Variants in LIX1 observed in about 807,000 individuals in gnomAD.
The protein encoded by LIX1 is protein limb expression 1 homolog.
In LIX1, 24 loss-of-function variants were observed where a neutral mutation model predicts 33.4. The observed-to-expected ratio is 0.72, with a 90% CI of 0.52 to 1.01. The LOEUF is 1.01. Ranked by LOEUF, LIX1 falls within the 50% of genes least tolerant of loss-of-function variation. LIX1 has a pLI of 0.00. For synonymous variants in LIX1, 124 were observed against 124.0 expected, an observed-to-expected ratio of 1.00 and a Z score of 0.00; for missense variants, 311 against 339.2, an observed-to-expected ratio of 0.92 and a Z score of 0.65.
chr5:97,133,345 G>A (rs1214940937), intron 1 of LIX1, among the ~76,000 whole-genome samples: 1 of 152,192 alleles, frequency 6.6e-6, no homozygotes, highest in Non-Finnish European at 1.5e-5. Context: ...GGAATGTAGT[G>A]TCTACATCAC....
rs138759091 is a variant in LIX1 at position 97,123,605 on chromosome 5, A to C, written c.246+861T>G. ...CAAAGCATCTTCATGCTGTGACCCG[A>C]GTAATCTTTCTGAAGTACATTTGAA... On this transcript the variant is annotated intron_variant, in intron 2 of 5. Transcript: ENST00000274382. Among the ~76,000 whole-genome samples, 514 of 152,304 alleles carry C rather than the reference A, an allele frequency of 3.4e-3. 12 individuals are homozygous for C. The highest frequency in any genetic ancestry group is 0.03 in the Admixed American group (453 of 15,288).
At chr5:97,097,717 A>T (rs1746463437) in intron 4 of LIX1, among the ~76,000 whole-genome samples, 1 of 152,234 alleles carries the variant, frequency 6.6e-6, no homozygotes, top group Non-Finnish European at 1.5e-5. Context: ...CATTTATAGG[A>T]CGCCATTAGT....
intron 2 of LIX1, among the ~76,000 whole-genome samples, chr5:97,108,587 G>C (rs1260370401): frequency 6.6e-6 from 1 of 152,172 alleles, no homozygotes; most frequent in Non-Finnish European, 1.5e-5. Flanking sequence ...CTTTTGGAGA[G>C]CCCAGGAGTT....
At chr5:97,124,739 T>C in intron 1 of LIX1, 110 bp from the exon 2 acceptor site, 1 of 792,574 alleles carries the variant, frequency 1.3e-6, no homozygotes, top group Non-Finnish European at 2.0e-6. Flanking sequence ...CCAGTTTAAG[T>C]AGAGCTGGGT....
intron 1 of LIX1, among the ~76,000 whole-genome samples, chr5:97,136,735 T>C (rs1205452670): frequency 2.6e-5 from 4 of 151,620 alleles, no homozygotes; most frequent in African/African-American, 9.7e-5. Flanking sequence ...CTGATTATCA[T>C]CGCAGGAGGA....
intron 2 of LIX1, among the ~76,000 whole-genome samples, chr5:97,115,910 G>T (rs1244740891): frequency 6.6e-6 from 1 of 152,150 alleles, no homozygotes; most frequent in Admixed American, 6.6e-5. Flanking sequence ...TACCCAAGGG[G>T]TTTTCCAAAG....
At chr5:97,105,635 C>T (rs187964220) in intron 3 of LIX1, among the ~76,000 whole-genome samples, 21 of 152,244 alleles carry the variant, frequency 1.4e-4, no homozygotes, top group Admixed American at 1.1e-3. Context: ...GCTCTGATTC[C>T]AGTGATAACC....
intron 2 of LIX1, 144 bp downstream of exon 2, chr5:97,124,322 C>A: frequency 3.2e-6 from 2 of 622,048 alleles, no homozygotes; most frequent in Non-Finnish European, 5.1e-6. Context: ...AATTTAATTC[C>A]TTTCTGGTTG....
chr5:97,096,949 G>T, intron 4 of LIX1, 62 bp from the exon 5 acceptor site: 1 of 1,220,642 alleles, frequency 8.2e-7, no homozygotes, highest in South Asian at 1.2e-5. Flanking sequence ...TGAGAGCTGA[G>T]CAGGGCATAA....
intron 4 of LIX1, among the ~76,000 whole-genome samples, chr5:97,097,270 AG>A (rs1746430792): frequency 6.6e-6 from 1 of 152,258 alleles, no homozygotes; most frequent in African/African-American, 2.4e-5. Context: ...CGAGACTGAC[AG>A]CATCTTAAAT....
intron 2 of LIX1, among the ~76,000 whole-genome samples, chr5:97,116,777 T>G (rs550284500): frequency 6.6e-6 from 1 of 152,220 alleles, no homozygotes; most frequent in African/African-American, 2.4e-5. Flanking sequence ...TATAGTTGCT[T>G]TGATGTGAAA....
At chr5:97,140,115 A>G (rs866179205) in intron 1 of LIX1, among the ~76,000 whole-genome samples, 1 of 152,210 alleles carries the variant, frequency 6.6e-6, no homozygotes, top group Admixed American at 6.5e-5. Flanking sequence ...AATGAATTGC[A>G]TGATCATTTA....
rs564370865 is a variant in LIX1 at position 97,103,855 on chromosome 5, C to T, written c.483+1335G>A. Among the ~76,000 whole-genome samples, 7 of 151,788 alleles carry T rather than the reference C, an allele frequency of 4.6e-5. No individual in the cohort carries two copies. The South Asian group carries it at 1.5e-3, about 32-fold the overall frequency. On this transcript the variant is annotated intron_variant, in intron 4 of 5. Coordinates refer to ENST00000274382, the MANE Select transcript of LIX1 (RefSeq NM_153234.5). ...TGGTGGGCGCCTGTAGTCCCAGCTA[C>T]TCAGGAGGCTGAGGCAGGAGAATGG... is the stretch of plus-strand genomic sequence containing the variant.
intron 3 of LIX1, among the ~76,000 whole-genome samples, chr5:97,107,102 C>T (rs1747088972): frequency 6.6e-6 from 1 of 152,164 alleles, no homozygotes; most frequent in Non-Finnish European, 1.5e-5. Flanking sequence ...TAAACATATC[C>T]AGGTGGATCC....
chr5:97,098,036 G>A (rs913034189), intron 4 of LIX1, among the ~76,000 whole-genome samples: 1 of 152,170 alleles, frequency 6.6e-6, no homozygotes, highest in Non-Finnish European at 1.5e-5. Context: ...TCATCGGAAC[G>A]CTCATTCTGT....
chr5:97,136,164 T>A (rs985681762), intron 1 of LIX1, among the ~76,000 whole-genome samples: 1 of 152,230 alleles, frequency 6.6e-6, no homozygotes, highest in African/African-American at 2.4e-5. Context: ...TAAGCCATTG[T>A]GCCAACATGG....
At chr5:97,105,118 T>G in intron 4 of LIX1, 72 bp downstream of exon 4, 1 of 1,298,246 alleles carries the variant, frequency 7.7e-7, no homozygotes, top group Non-Finnish European at 1.1e-6. Flanking sequence ...GAGATGTTAG[T>G]GATAAATGTT....
At chr5:97,135,945 G>A (rs969717193) in intron 1 of LIX1, among the ~76,000 whole-genome samples, 1 of 152,200 alleles carries the variant, frequency 6.6e-6, no homozygotes, top group African/African-American at 2.4e-5. Context: ...AGTCAAAATG[G>A]TCAAATAAGT....
rs1400129627 is a variant in LIX1 at position 97,092,323 on chromosome 5, G to A, written c.*2425C>T. 6.6e-6 allele frequency: 1 copy of A among 152,216 alleles called. No individual in the cohort carries two copies. The highest frequency in any genetic ancestry group is 2.4e-5 in the African/African-American group (1 of 41,406). 9.4% of individuals were successfully genotyped at this position (152,216 alleles called of 1,614,324 possible). ...AAAAGGCTAGGACCCAGAGCTTCAT[G>A]TGTTTAAATAGGGAATCTTCCACTC... is the stretch of plus-strand genomic sequence containing the variant. On this transcript the variant is annotated 3_prime_UTR_variant, in exon 6 of 6. Transcript: ENST00000274382.
Sources: allele counts gnomAD v4.1 joint callset (sites outside exome capture counted in the v4.1 genomes callset), GRCh38; gene constraint gnomAD v4.1.1; transcripts MANE v1.5; gene names NCBI Gene and HGNC (gene_info 2026-07-23, HGNC 2026-07-21).